MAOB: variants seen among roughly 807,000 people sequenced by gnomAD.
MAOB encodes monoamine oxidase B.
A neutral mutation model predicts 41.9 loss-of-function variants in MAOB; 15 were observed. The ratio of observed to expected loss-of-function variants is 0.36; its 90% confidence interval spans 0.24 to 0.55. MAOB has a LOEUF of 0.55. Among genes scored for constraint, MAOB ranks in the 20% least tolerant of loss-of-function variants. The pLI, the probability that MAOB is intolerant of heterozygous loss-of-function variation, is 0.86. For synonymous variants in MAOB, 167 were observed against 144.2 expected (o/e 1.16, Z -1.13); for missense variants, 345 against 398.7 (o/e 0.87, Z 1.15).
At chrX:43,799,597 A>G (rs1056441911) in intron 5 of MAOB, among the ~76,000 whole-genome samples, 5 of 111,742 alleles carry the variant, frequency 4.5e-5, no homozygotes, top group Non-Finnish European at 7.5e-5. Flanking sequence ...CTAATCCTTT[A>G]TTTGAATTTA....
chrX:43,802,244 C>T lies in MAOB; in HGVS notation c.404G>A (p.Trp135Ter). The T allele has an allele frequency of 8.4e-7, 1 of 1,194,282 alleles. No homozygotes were observed. Among genetic ancestry groups the T allele is most frequent in the African/African-American group, 1.7e-5 (1 of 57,597 alleles). Residue 135 changes from tryptophan (W) to a stop codon, truncating the protein, a stop_gained, in exon 5 of 15, where the codon TGG becomes TAG. Coordinates refer to ENST00000378069, the MANE Select transcript of MAOB (RefSeq NM_000898.5). LOFTEE classifies it high-confidence loss of function. ...MGREIPSDAPWKAPLAEEWDN... is the reference protein window; with the variant it reads ...MGREIPSDAP ...CCACTCTTCTGCAAGGGGAGCCTTC[C>T]ATGGGGCATCACTCGGAATCTACAT...
Position 43,769,417 on chromosome X carries a change from C to A in MAOB, c.1237G>T (p.Val413Phe). The A allele has an allele frequency of 8.3e-7, 1 of 1,204,791 alleles. No individual in the cohort carries two copies. Among genetic ancestry groups the A allele is most frequent in the Non-Finnish European group, 1.1e-6 (1 of 893,251 alleles). ...PPGILTQYGR[V>F]LRQPVDRIYF... ...ATCCTGTCCACTGGCTGGCGTAGAA[C>A]CCTTGGAACAAAACCAAAGAGGCAA... Residue 413 changes from valine (V) to phenylalanine (F), a missense_variant and splice_region_variant, in exon 13 of 15, where the codon GTT (valine) becomes TTT (phenylalanine). Coordinates refer to ENST00000378069, the MANE Select transcript of MAOB (RefSeq NM_000898.5).
At chrX:43,769,276 C>T in intron 13 of MAOB, 31 bp downstream of exon 13, 3 of 1,156,145 alleles carry the variant, frequency 2.6e-6, no homozygotes, top group Non-Finnish European at 3.4e-6. Context: ...GAGTTGCCTC[C>T]TTCCCCATAA....
chrX:43,857,086 T>A (rs2035295546), intron 1 of MAOB, among the ~76,000 whole-genome samples: 1 of 18,264 alleles, frequency 5.5e-5, no homozygotes, highest in African/African-American at 2.9e-4. Flanking sequence ...ATTCTTTAAA[T>A]ATATATATAT....
At chrX:43,790,670 C>T (rs2034452855) in intron 8 of MAOB, among the ~76,000 whole-genome samples, 1 of 110,490 alleles carries the variant, frequency 9.1e-6, no homozygotes, top group African/African-American at 3.3e-5. Flanking sequence ...TATCCTCCAC[C>T]TCCTGGGCTC....
intron 12 of MAOB, among the ~76,000 whole-genome samples, chrX:43,774,784 G>A (rs1165750799): frequency 8.9e-6 from 1 of 111,935 alleles, no homozygotes. Context: ...TACCTAAAAT[G>A]CTACTCTTTT....
At chrX:43,840,408 T>G (rs2035120096) in intron 2 of MAOB, among the ~76,000 whole-genome samples, 2 of 111,737 alleles carry the variant, frequency 1.8e-5, no homozygotes, top group Non-Finnish European at 3.8e-5. Context: ...CTGTGCCTGA[T>G]TCATAGTAGG....
At chrX:43,847,920 A>C (rs764589175) in intron 1 of MAOB, among the ~76,000 whole-genome samples, 1 of 112,430 alleles carries the variant, frequency 8.9e-6, no homozygotes, top group Admixed American at 9.4e-5. Flanking sequence ...CAGCACACAC[A>C]AATAATGGTA....
chrX:43,811,900 T>G (rs1393518845), intron 3 of MAOB, among the ~76,000 whole-genome samples: 2 of 111,608 alleles, frequency 1.8e-5, no homozygotes, highest in African/African-American at 6.5e-5. Flanking sequence ...TTGACTAGAG[T>G]CACCCTGTTG....
intron 5 of MAOB, among the ~76,000 whole-genome samples, chrX:43,801,586 C>T (rs966720398): frequency 1.8e-5 from 2 of 112,283 alleles, no homozygotes; most frequent in African/African-American, 6.5e-5. Flanking sequence ...TCTGTCTATA[C>T]AAGCCTTCAC....
chrX:43,863,275 C>T (rs758239772), intron 1 of MAOB, among the ~76,000 whole-genome samples: 2 of 111,513 alleles, frequency 1.8e-5, no homozygotes, highest in African/African-American at 3.3e-5. Context: ...ACATAACGTC[C>T]AATAGTCTGG....
At chrX:43,870,624 T>A (rs1244133192) in intron 1 of MAOB, among the ~76,000 whole-genome samples, 1 of 106,806 alleles carries the variant, frequency 9.4e-6, no homozygotes, top group African/African-American at 3.4e-5. Flanking sequence ...TGAAACTGCG[T>A]CTCTACTAAA....
intron 4 of MAOB, among the ~76,000 whole-genome samples, chrX:43,803,038 G>C (rs1340713567): frequency 9.0e-6 from 1 of 111,686 alleles, no homozygotes; most frequent in Non-Finnish European, 1.9e-5. Context: ...ATGTACTGAA[G>C]ATTTCCAAAA....
chrX:43,789,938 G>T (rs956498149), intron 8 of MAOB, among the ~76,000 whole-genome samples: 1 of 111,783 alleles, frequency 8.9e-6, no homozygotes, highest in Non-Finnish European at 1.9e-5. Context: ...ATTGGGTGGG[G>T]GGTGTGGAGG....
At chrX:43,869,734 T>C (rs2035388469) in intron 1 of MAOB, among the ~76,000 whole-genome samples, 1 of 112,311 alleles carries the variant, frequency 8.9e-6, no homozygotes, top group East Asian at 2.8e-4. Context: ...TCTCTGGACA[T>C]GCTGATTCAA....
chrX:43,840,391 G>T (rs1374977496), intron 2 of MAOB, among the ~76,000 whole-genome samples: 1 of 111,761 alleles, frequency 8.9e-6, no homozygotes, highest in Non-Finnish European at 1.9e-5. Flanking sequence ...CCATTTTGGG[G>T]GGATTACTGT....
At chrX:43,828,692 G>A (rs905489705) in intron 3 of MAOB, among the ~76,000 whole-genome samples, 3 of 111,265 alleles carry the variant, frequency 2.7e-5, no homozygotes, top group African/African-American at 9.8e-5. Flanking sequence ...CTCTATGTTG[G>A]CCTGCACCTA....
At chrX:43,855,306 A>G (rs1273543380) in intron 1 of MAOB, among the ~76,000 whole-genome samples, 1 of 111,442 alleles carries the variant, frequency 9.0e-6, no homozygotes, top group Non-Finnish European at 1.9e-5. Flanking sequence ...AACCCGAAAG[A>G]CTCATATTAA....
intron 1 of MAOB, among the ~76,000 whole-genome samples, chrX:43,876,004 G>A (rs1306753187): frequency 2.7e-5 from 3 of 111,042 alleles, no homozygotes; most frequent in Non-Finnish European, 3.8e-5. Flanking sequence ...TGTCTCCCAG[G>A]CTGGAGGGCA....
Sources: gnomAD v4.1 joint callset for allele counts (sites outside exome capture counted in the v4.1 genomes callset) on GRCh38, gnomAD v4.1.1 for gene constraint, MANE v1.5 for transcripts, NCBI Gene and HGNC (gene_info 2026-07-23, HGNC 2026-07-21) for gene names.